The following PADI6 variants were observed in gnomAD, a reference collection of about 807,000 sequenced individuals.
PADI6 encodes inactive protein-arginine deiminase type-6.
In PADI6, 66 loss-of-function variants were observed where a neutral mutation model predicts 78.2. The ratio of observed to expected loss-of-function variants is 0.84; its 90% confidence interval spans 0.69 to 1.04. PADI6 has a LOEUF of 1.04. Ranked by LOEUF, PADI6 falls within the 50% of genes least tolerant of loss-of-function variation. PADI6 has a pLI of 0.00. For missense variants in PADI6, 854 were observed against 866.1 expected (o/e 0.99, Z 0.18); for synonymous variants, 397 against 346.9 (o/e 1.14, Z -1.60).
At chr1:17,373,469 G>A (rs186293041) in intron 2 of PADI6, among the ~76,000 whole-genome samples, 168 of 151,732 alleles carry the variant, frequency 1.1e-3, no homozygotes, top group Middle Eastern at 6.8e-3. Flanking sequence ...CAGCAGGACT[G>A]GGATTTATTT....
intron 5 of PADI6, among the ~76,000 whole-genome samples, chr1:17,381,397 A>T (rs985197943): frequency 6.6e-5 from 10 of 152,220 alleles, no homozygotes; most frequent in Non-Finnish European, 1.5e-5. Context: ...CTAGCTGTGA[A>T]CTTGAGCACA....
At chr1:17,398,521 G>T (rs541826974) in intron 14 of PADI6, among the ~76,000 whole-genome samples, 165 bp from the exon 15 acceptor site, 2 of 152,108 alleles carry the variant, frequency 1.3e-5, no homozygotes, top group African/African-American at 2.4e-5. Flanking sequence ...TGCCTATTTC[G>T]TAAGGCTGGT....
At position 17,398,673 on chromosome 1, in the gene PADI6, CACCCA is replaced by C; in HGVS notation, c.1690-12_1690-8del. 1 of 300,128 alleles carries C rather than the reference CACCCA, an allele frequency of 3.3e-6. No homozygotes were observed. Among genetic ancestry groups the C allele is most frequent in the Non-Finnish European group, 5.9e-6 (1 of 169,388 alleles). 18.6% of individuals were successfully genotyped at this position (300,128 alleles called of 1,614,324 possible). A position where few individuals can be genotyped will look rare whatever the true frequency, so the allele number is the denominator to read the frequency against. On this transcript the variant is annotated splice_polypyrimidine_tract_variant and splice_region_variant and intron_variant, in intron 14 of 15. Coordinates refer to ENST00000619609, the MANE Select transcript of PADI6 (RefSeq NM_207421.4). Reference sequence around the variant, plus strand: ...TCCCCCGCCCCCCCCCCCACCCACCCACCCACCCACAGAAGTGCATTCACCTGAAC... The same window carrying C: ...TCCCCCGCCCCCCCCCCCACCCACCCCCCACAGAAGTGCATTCACCTGAAC...
At chr1:17,380,437 A>G (rs1924553) in intron 4 of PADI6, among the ~76,000 whole-genome samples, 46,358 of 151,948 alleles carry the variant, frequency 0.31, 7,308 homozygotes, top group Middle Eastern at 0.49. Flanking sequence ...GCACGATCTC[A>G]GCTCACTGCA....
intron 6 of PADI6, among the ~76,000 whole-genome samples, chr1:17,386,452 G>GC (rs2075120555): frequency 6.6e-6 from 1 of 152,210 alleles, no homozygotes. Flanking sequence ...GCCACAGGGA[G>GC]CCCAGGTCCC....
rs779431094 is a variant in PADI6 at position 17,382,111 on chromosome 1, G to A, written c.679+19G>A. 1.2e-6 allele frequency: 2 copies of A among 1,612,070 alleles called. No homozygotes were observed. The highest frequency in any genetic ancestry group is 4.5e-5 in the East Asian group (2 of 44,832). On this transcript the variant is annotated intron_variant, in intron 6 of 15. Coordinates refer to ENST00000619609, the MANE Select transcript of PADI6 (RefSeq NM_207421.4). ...CCCCAAAGTGAGTGTTCTTGTGCCA[G>A]CTCCAGCTTTGCCTGCTCTCGACGT... is the stretch of plus-strand genomic sequence containing the variant.
intron 6 of PADI6, among the ~76,000 whole-genome samples, chr1:17,387,474 C>T (rs11803970): frequency 0.36 from 54,300 of 150,776 alleles, 9,930 homozygotes; most frequent in South Asian, 0.39. Flanking sequence ...GGGGGCCAGG[C>T]GTGGTAGCTC....
intron 6 of PADI6, 41 bp downstream of exon 6, chr1:17,382,133 A>T (rs776811887): frequency 6.2e-6 from 10 of 1,605,800 alleles, no homozygotes; most frequent in Non-Finnish European, 8.5e-6. Context: ...CCTGCTCTCG[A>T]CGTGCCAGGC....
chr1:17,401,092 G>A, intron 15 of PADI6, 113 bp from the exon 16 acceptor site: 1 of 873,044 alleles, frequency 1.1e-6, no homozygotes, highest in Non-Finnish European at 1.8e-6. Context: ...CTGACCTGGA[G>A]GAGGCGGCTG....
At chr1:17,398,137 G>A (rs79547368) in intron 14 of PADI6, among the ~76,000 whole-genome samples, 2,694 of 152,256 alleles carry the variant, frequency 0.018, 36 homozygotes, top group Non-Finnish European at 0.028. Context: ...TTCTCTCACT[G>A]GGTCCTTAAC....
intron 13 of PADI6, among the ~76,000 whole-genome samples, chr1:17,395,924 T>TG (rs1388898474): frequency 5.3e-5 from 8 of 152,034 alleles, no homozygotes; most frequent in Admixed American, 5.2e-4. Flanking sequence ...TGGCCCCAAG[T>TG]GGGGGGAAAA....
intron 3 of PADI6, among the ~76,000 whole-genome samples, chr1:17,378,045 C>T (rs915319130): frequency 6.6e-6 from 1 of 152,176 alleles, no homozygotes; most frequent in Non-Finnish European, 1.5e-5. Context: ...CACTCTAACC[C>T]TTGGCCTTGC....
At chr1:17,386,786 C>CG (rs989789345) in intron 6 of PADI6, among the ~76,000 whole-genome samples, 3 of 152,290 alleles carry the variant, frequency 2.0e-5, no homozygotes, top group African/African-American at 7.2e-5. Flanking sequence ...CAGAGTCCAT[C>CG]GGGAGGGCTG....
chr1:17,380,321 T>C (rs2100294348), intron 4 of PADI6, among the ~76,000 whole-genome samples: 1 of 152,302 alleles, frequency 6.6e-6, no homozygotes, highest in South Asian at 2.1e-4. Context: ...GTAATTCTCC[T>C]GCCTCAGCCT....
chr1:17,383,789 G>A (rs1367546482), intron 6 of PADI6, among the ~76,000 whole-genome samples: 1 of 152,160 alleles, frequency 6.6e-6, no homozygotes, highest in African/African-American at 2.4e-5. Context: ...GCAGTGAGCC[G>A]AGATCATGCC....
In PADI6 at chr1:17,398,679, C is replaced by T; in HGVS notation, c.1690-7C>T. The T allele has an allele frequency of 2.2e-6, 1 of 450,304 alleles. No individual in the cohort carries two copies. The highest frequency in any genetic ancestry group is 2.1e-5 in the South Asian group (1 of 47,028). 27.9% of individuals were successfully genotyped at this position (450,304 alleles called of 1,614,324 possible). Reference sequence around the variant, plus strand: ...GCCCCCCCCCCCACCCACCCACCCACCCACAGAAGTGCATTCACCTGAACC... The same window carrying T: ...GCCCCCCCCCCCACCCACCCACCCATCCACAGAAGTGCATTCACCTGAACC... On this transcript the variant is annotated splice_polypyrimidine_tract_variant and splice_region_variant and intron_variant, in intron 14 of 15. Coordinates refer to ENST00000619609, the MANE Select transcript of PADI6 (RefSeq NM_207421.4).
intron 13 of PADI6, among the ~76,000 whole-genome samples, chr1:17,396,606 A>C (rs1318022741): frequency 2.0e-5 from 3 of 152,044 alleles, no homozygotes; most frequent in Non-Finnish European, 4.4e-5. Context: ...ACATCTGCTG[A>C]GCATGAACCA....
At position 17,398,968 on chromosome 1, in the gene PADI6, G is replaced by A. The variant is rs2075274772; in HGVS notation, c.1851+121G>A. The A allele has an allele frequency of 2.7e-6, 3 of 1,122,730 alleles. No individual in the cohort carries two copies. The South Asian group carries it at 4.7e-5, about 18-fold the overall frequency. The allele number at this position is 1,122,730 out of a possible 1,614,324, so 69.5% of individuals were successfully genotyped here. A position where few individuals can be genotyped will look rare whatever the true frequency, so the allele number is the denominator to read the frequency against. ...CAGATAACGGTACCTATGAGGAAATGGGAGGGAGACCCCTTCTCCCCCATC... is the reference window on the plus strand; with the variant it reads ...CAGATAACGGTACCTATGAGGAAATAGGAGGGAGACCCCTTCTCCCCCATC... On this transcript the variant is annotated intron_variant, in intron 15 of 15. Transcript: ENST00000619609.
At chr1:17,399,144 G>A (rs1037140143) in intron 15 of PADI6, among the ~76,000 whole-genome samples, 1 of 152,144 alleles carries the variant, frequency 6.6e-6, no homozygotes, top group African/African-American at 2.4e-5. Context: ...AACCTGTGAG[G>A]CCCACTTCGG....
Sources: allele counts gnomAD v4.1 joint callset (sites outside exome capture counted in the v4.1 genomes callset), GRCh38; gene constraint gnomAD v4.1.1; transcripts MANE v1.5; gene names NCBI Gene and HGNC (gene_info 2026-07-23, HGNC 2026-07-21).